The following CSMD1 variants were observed in gnomAD, a reference collection of about 807,000 sequenced individuals.
The protein encoded by CSMD1 is CUB and sushi domain-containing protein 1.
In CSMD1, 213 loss-of-function variants were observed where a neutral mutation model predicts 417.5. That is an observed-to-expected ratio of 0.51 (90% confidence interval 0.46 to 0.57). CSMD1 has a LOEUF of 0.57. CSMD1 is among the 20% of genes least tolerant of loss of function. CSMD1 has a pLI of 0.00. For synonymous variants in CSMD1, 2,862 were observed against 1,736.8 expected (o/e 1.65, Z -16.11); for missense variants, 6,923 against 4,529.7 (o/e 1.53, Z -15.17).
Position 3,433,452 on chromosome 8 carries a change from C to A in CSMD1, c.1562-23847G>T, listed in dbSNP as rs535899699. 2.0e-5 allele frequency among the ~76,000 whole-genome samples: 3 copies of A among 152,098 alleles called. No homozygotes were observed. The South Asian group carries it at 6.2e-4, about 32-fold the overall frequency. On this transcript the variant is annotated intron_variant, in intron 12 of 69. Transcript: ENST00000635120. ...TCCTAAATTAAATATTTTATTTTTT[C>A]TTTATTTGTGGTTGGTGTTGTGTGG...
intron 21 of CSMD1, among the ~76,000 whole-genome samples, chr8:3,358,637 G>A (rs138156486): frequency 7.2e-5 from 11 of 152,280 alleles, no homozygotes; most frequent in African/African-American, 2.6e-4. Flanking sequence ...AGAACACACT[G>A]AAAAAGTGAA....
Position 4,847,249 on chromosome 8 carries a change from C to T in CSMD1, c.85+147083G>A, listed in dbSNP as rs117241828. Among the ~76,000 whole-genome samples, 81 of 152,204 alleles carry T rather than the reference C, an allele frequency of 5.3e-4. 1 individual carries two copies. In the East Asian group the frequency reaches 0.013, roughly 24 times the overall value. On this transcript the variant is annotated intron_variant, in intron 1 of 69. Coordinates refer to ENST00000635120, the MANE Select transcript of CSMD1 (RefSeq NM_033225.6). ...TAAAGTAATAATGCGTTTGATGATG[C>T]ATTATATCTTTAGCACTTTAGAATC...
intron 2 of CSMD1, among the ~76,000 whole-genome samples, chr8:4,535,410 T>A (rs1286454373): frequency 1.3e-5 from 2 of 152,182 alleles, no homozygotes; most frequent in South Asian, 4.1e-4. Context: ...GGATGAACAA[T>A]AGAATTCATT....
At chr8:4,077,135 A>G (rs1799860639) in intron 3 of CSMD1, among the ~76,000 whole-genome samples, 2 of 151,736 alleles carry the variant, frequency 1.3e-5, no homozygotes, top group South Asian at 4.2e-4. Flanking sequence ...GATGAAGTCA[A>G]GAAAGTTAAA....
At chr8:3,978,597 T>C (rs974012849) in intron 5 of CSMD1, among the ~76,000 whole-genome samples, 5 of 152,040 alleles carry the variant, frequency 3.3e-5, no homozygotes, top group African/African-American at 1.2e-4. Flanking sequence ...TTGAGGCATG[T>C]TGGGGGTAAA....
rs868531788 is a variant in CSMD1 at position 3,406,195 on chromosome 8, G to A, written c.2098C>T (p.Pro700Ser). 1 of 1,609,928 alleles carries A rather than the reference G, an allele frequency of 6.2e-7. No homozygotes were observed. The highest frequency in any genetic ancestry group is 2.2e-5 in the East Asian group (1 of 44,730). ...TTFGQNECHDPGIPINGRRFG... is the reference protein window; with the variant it reads ...TTFGQNECHDSGIPINGRRFG... ...CGTCGTCCGTTTATAGGAATGCCAG[G>A]ATCATGGCACTCATTCTGACCAAAT... The change falls in exon 15 of 70, where the codon CCT becomes TCT. Residue 700 changes from proline to serine, a missense_variant. Pro to Ser is a moderately conservative substitution (Grantham distance 74). Transcript: ENST00000635120.
chr8:3,334,952 C>T (rs1585015872), intron 23 of CSMD1, among the ~76,000 whole-genome samples: 2 of 152,210 alleles, frequency 1.3e-5, no homozygotes, highest in South Asian at 4.1e-4. Flanking sequence ...GTCCAACGAG[C>T]CTTCTCCAAA....
At chr8:3,806,272 A>G (rs546307487) in intron 5 of CSMD1, among the ~76,000 whole-genome samples, 1 of 152,182 alleles carries the variant, frequency 6.6e-6, no homozygotes, top group East Asian at 1.9e-4. Flanking sequence ...TGGAAGGCCT[A>G]GTTTTCATTC....
intron 1 of CSMD1, among the ~76,000 whole-genome samples, chr8:4,880,327 G>T (rs1461895511): frequency 6.6e-6 from 1 of 152,030 alleles, no homozygotes; most frequent in Non-Finnish European, 1.5e-5. Flanking sequence ...CAAACTCATA[G>T]GCTGCAGCTA....
At chr8:4,719,536 T>C (rs1009266322) in intron 1 of CSMD1, among the ~76,000 whole-genome samples, 6 of 56,668 alleles carry the variant, frequency 1.1e-4, no homozygotes, top group African/African-American at 4.3e-4. Flanking sequence ...AAAAAAAAAA[T>C]CTTCACAACA....
In CSMD1 at chr8:3,348,023, C is replaced by G. The variant is rs1412556246; in HGVS notation, c.3443G>C (p.Ser1148Thr). ...AGTATCTCCTTCAAACAGCTGGAAG[C>G]TTCGTGTTCTAAGGTGGATGCCCTT... ...AGKGIHLRTR[S>T]FQLFEGDTLK... is the part of the protein sequence containing the mutation. The change falls in exon 22 of 70, where the codon AGC becomes ACC. Residue 1148 changes from serine (S) to threonine (T), a missense_variant. Coordinates refer to ENST00000635120, the MANE Select transcript of CSMD1 (RefSeq NM_033225.6). The G allele has an allele frequency of 6.2e-7, 1 of 1,606,306 alleles. No individual in the cohort carries two copies. The highest frequency in any genetic ancestry group is 2.2e-5 in the East Asian group (1 of 44,666).
intron 23 of CSMD1, among the ~76,000 whole-genome samples, chr8:3,319,574 C>T (rs1349836046): frequency 6.6e-6 from 1 of 152,124 alleles, no homozygotes; most frequent in African/African-American, 2.4e-5. Context: ...CTTTCAAACA[C>T]TTCCGCACAC....
At chr8:3,771,421 T>C (rs1798567585) in intron 5 of CSMD1, among the ~76,000 whole-genome samples, 1 of 152,198 alleles carries the variant, frequency 6.6e-6, no homozygotes, top group Non-Finnish European at 1.5e-5. Context: ...AAATGCTTTT[T>C]GCAGATGATA....
chr8:3,387,417 A>C, intron 18 of CSMD1, 77 bp downstream of exon 18: 1 of 1,278,362 alleles, frequency 7.8e-7, no homozygotes, highest in East Asian at 2.6e-5. Flanking sequence ...TGAAATACAC[A>C]CACCACCCAG....
At chr8:3,811,033 C>A (rs371544031) in intron 5 of CSMD1, among the ~76,000 whole-genome samples, 1 of 152,176 alleles carries the variant, frequency 6.6e-6, no homozygotes, top group African/African-American at 2.4e-5. Flanking sequence ...CTCCGTCTTA[C>A]TGGCAGGGGA....
At chr8:4,395,475 G>C (rs1019099394) in intron 3 of CSMD1, among the ~76,000 whole-genome samples, 2 of 150,216 alleles carry the variant, frequency 1.3e-5, no homozygotes, top group African/African-American at 4.9e-5. Context: ...TTACTGTTTC[G>C]ATGAAGAATA....
chr8:3,287,056 C>T (rs1584933283), intron 25 of CSMD1, among the ~76,000 whole-genome samples: 1 of 152,056 alleles, frequency 6.6e-6, no homozygotes, highest in African/African-American at 2.4e-5. Flanking sequence ...AGCCAGTTTT[C>T]CCAGCACCAT....
intron 42 of CSMD1, 40 bp downstream of exon 42, chr8:3,118,359 T>C (rs748733549): frequency 6.1e-5 from 87 of 1,434,834 alleles, no homozygotes; most frequent in Non-Finnish European, 8.2e-5. Flanking sequence ...ATTATGCCCA[T>C]GAAACATTAA....
At chr8:2,976,619 G>A (rs888802658) in intron 55 of CSMD1, among the ~76,000 whole-genome samples, 5 of 152,196 alleles carry the variant, frequency 3.3e-5, no homozygotes. Flanking sequence ...AAAATGCTGG[G>A]ATTACAGGTG....
Sources: allele counts gnomAD v4.1 joint callset (sites outside exome capture counted in the v4.1 genomes callset), GRCh38; gene constraint gnomAD v4.1.1; transcripts MANE v1.5; gene names NCBI Gene and HGNC (gene_info 2026-07-23, HGNC 2026-07-21).